Variants in ZBTB16 observed in about 807,000 individuals in gnomAD.
The protein encoded by ZBTB16 is zinc finger and BTB domain containing 16.
ZBTB16 carries 8 observed loss-of-function variants against 56.8 expected under a neutral mutation model. The observed-to-expected ratio is 0.14, with a 90% CI of 0.08 to 0.25. The LOEUF (loss-of-function observed/expected upper bound fraction) is 0.25. Among genes scored for constraint, ZBTB16 ranks in the 10% least tolerant of loss-of-function variants. The pLI, the probability that ZBTB16 is intolerant of heterozygous loss-of-function variation, is 1.00. For missense variants in ZBTB16, 625 were observed against 903.0 expected, an observed-to-expected ratio of 0.69 and a Z score of 3.95; for synonymous variants, 363 against 368.5, an observed-to-expected ratio of 0.98 and a Z score of 0.17.
At chr11:114,166,019 A>G (rs1284510979) in intron 3 of ZBTB16, among the ~76,000 whole-genome samples, 1 of 151,972 alleles carries the variant, frequency 6.6e-6, no homozygotes, top group East Asian at 1.9e-4. Flanking sequence ...ACCCAGAGCA[A>G]CCAGGTAGGC....
At chr11:114,094,497 G>T (rs1378336331) in intron 2 of ZBTB16, among the ~76,000 whole-genome samples, 1 of 152,154 alleles carries the variant, frequency 6.6e-6, no homozygotes, top group Non-Finnish European at 1.5e-5. Flanking sequence ...CAATGCTGTG[G>T]CTGTTTGGGT....
intron 2 of ZBTB16, among the ~76,000 whole-genome samples, chr11:114,092,294 G>A (rs1023897067): frequency 1.3e-5 from 2 of 152,220 alleles, no homozygotes; most frequent in Non-Finnish European, 2.9e-5. Context: ...TAGGGGAGAA[G>A]CGAGGGAGAG....
chr11:114,085,901 G>A (rs1565616641), intron 2 of ZBTB16, among the ~76,000 whole-genome samples: 1 of 152,148 alleles, frequency 6.6e-6, no homozygotes, highest in Non-Finnish European at 1.5e-5. Context: ...GATAGGGGTT[G>A]GATCATTGCG....
chr11:114,100,847 C>T (rs1239499637), intron 2 of ZBTB16, among the ~76,000 whole-genome samples: 1 of 152,142 alleles, frequency 6.6e-6, no homozygotes, highest in Admixed American at 6.5e-5. Context: ...CAGCGATCTA[C>T]AGCTTTCGCA....
chr11:114,131,414 GT>G (rs1482234944), intron 2 of ZBTB16, among the ~76,000 whole-genome samples: 1 of 152,080 alleles, frequency 6.6e-6, no homozygotes, highest in African/African-American at 2.4e-5. Flanking sequence ...TGTTTTCTCT[GT>G]TTTTTTCTTT....
rs745488838 is a variant in ZBTB16, at chr11:114,250,884, G to T, written c.*329G>T. Among the ~76,000 whole-genome samples, 1 of 152,132 alleles carries T rather than the reference G, an allele frequency of 6.6e-6. No homozygotes were observed. Among genetic ancestry groups the T allele is most frequent in the East Asian group, 1.9e-4 (1 of 5,170 alleles). ...GACCTTCTTTTATGTGTCCAGAAAT[G>T]GAGGCTAGAAAGCAGGTGAGAGGTC... On this transcript the variant is annotated 3_prime_UTR_variant, in exon 7 of 7. Coordinates refer to ENST00000335953, the MANE Select transcript of ZBTB16 (RefSeq NM_006006.6). The surrounding 1 kb of genome is among the most constrained non-coding windows in gnomAD (Gnocchi z 6.0).
chr11:114,151,540 G>C (rs12293429), intron 2 of ZBTB16, among the ~76,000 whole-genome samples: 1,750 of 152,232 alleles, frequency 0.011, 36 homozygotes, highest in African/African-American at 0.04. Context: ...AAACTCACAG[G>C]TCAGACAATT....
At chr11:114,135,864 CT>C (rs1310810470) in intron 2 of ZBTB16, among the ~76,000 whole-genome samples, 1 of 152,158 alleles carries the variant, frequency 6.6e-6, no homozygotes, top group African/African-American at 2.4e-5. Flanking sequence ...TGCAGAAGTC[CT>C]TTTTTATCTG....
At chr11:114,163,649 C>T (rs1380878483) in intron 3 of ZBTB16, among the ~76,000 whole-genome samples, 1 of 152,032 alleles carries the variant, frequency 6.6e-6, no homozygotes, top group African/African-American at 2.4e-5. Context: ...TTCACCAGTT[C>T]TCTCCCACCC....
At position 114,252,784 on chromosome 11, in the gene ZBTB16, C is replaced by A. The variant is rs1944938921; in HGVS notation, c.*2229C>A. Among the ~76,000 whole-genome samples, 1 of 152,120 alleles carries A rather than the reference C, an allele frequency of 6.6e-6. No homozygotes were observed. The highest frequency in any genetic ancestry group is 1.5e-5 in the Non-Finnish European group (1 of 68,038). ...GATGGGTGCTGCTGCGACGACCCCC[C>A]CGTCCCTCGGCCCCAGCCCTCCTGC... On this transcript the variant is annotated 3_prime_UTR_variant, in exon 7 of 7. Transcript: ENST00000335953.
At chr11:114,206,207 C>T (rs1464750680) in intron 4 of ZBTB16, among the ~76,000 whole-genome samples, 1 of 152,196 alleles carries the variant, frequency 6.6e-6, no homozygotes, top group African/African-American at 2.4e-5. Flanking sequence ...GGTGTTTTCA[C>T]ATCGGGAGAC....
chr11:114,201,127 A>C (rs1943728031), intron 4 of ZBTB16, among the ~76,000 whole-genome samples: 1 of 152,252 alleles, frequency 6.6e-6, no homozygotes, highest in South Asian at 2.1e-4. Flanking sequence ...CGACTCACTT[A>C]GATAACATGT....
At chr11:114,235,642 C>CTTTCTT (rs1555159879) in intron 4 of ZBTB16, among the ~76,000 whole-genome samples, 2 of 21,286 alleles carry the variant, frequency 9.4e-5, no homozygotes, top group African/African-American at 2.2e-4. Context: ...TTCTTTCTTT[C>CTTTCTT]TTTCTTTCTT....
chr11:114,223,603 G>A (rs550104740), intron 4 of ZBTB16, among the ~76,000 whole-genome samples: 1 of 152,114 alleles, frequency 6.6e-6, no homozygotes, highest in Non-Finnish European at 1.5e-5. Context: ...TTCTTACTTA[G>A]TAGTATATTA....
intron 2 of ZBTB16, among the ~76,000 whole-genome samples, chr11:114,129,580 C>A (rs1293449049): frequency 6.6e-6 from 1 of 152,256 alleles, no homozygotes; most frequent in Non-Finnish European, 1.5e-5. Flanking sequence ...CCCTCCGCCC[C>A]TTTTTCTTCT....
chr11:114,188,592 G>A (rs916094830), intron 4 of ZBTB16: 1 of 152,092 alleles, frequency 6.6e-6, no homozygotes, highest in Admixed American at 6.5e-5. Flanking sequence ...AATAGTAGTA[G>A]GTATATTTAA....
At chr11:114,200,302 A>G (rs974639881) in intron 4 of ZBTB16, among the ~76,000 whole-genome samples, 1 of 152,194 alleles carries the variant, frequency 6.6e-6, no homozygotes, top group African/African-American at 2.4e-5. Flanking sequence ...TTAGTAGCTT[A>G]TTCAGTAACA....
intron 4 of ZBTB16, among the ~76,000 whole-genome samples, chr11:114,213,189 G>T (rs1194121522): frequency 1.3e-5 from 2 of 152,076 alleles, no homozygotes; most frequent in Non-Finnish European, 2.9e-5. Flanking sequence ...CCAGGCTTTT[G>T]GTGACGTGAG....
intron 2 of ZBTB16, among the ~76,000 whole-genome samples, chr11:114,112,613 G>T (rs1941047722): frequency 6.6e-6 from 1 of 152,116 alleles, no homozygotes; most frequent in Non-Finnish European, 1.5e-5. Flanking sequence ...GAACCATAAA[G>T]ATTTCTCTAC....
Sources: allele counts gnomAD v4.1 joint callset (sites outside exome capture counted in the v4.1 genomes callset), GRCh38; gene constraint gnomAD v4.1.1; non-coding constraint Gnocchi (gnomAD v3.1); transcripts MANE v1.5; gene names NCBI Gene and HGNC (gene_info 2026-07-23, HGNC 2026-07-21).